The following LRMDA variants were observed in gnomAD, a reference collection of about 807,000 sequenced individuals.
The protein encoded by LRMDA is leucine-rich melanocyte differentiation-associated protein.
Under a neutral mutation model 29.8 loss-of-function variants are expected in LRMDA, and 18 were observed. That is an observed-to-expected ratio of 0.60 (90% confidence interval 0.42 to 0.90). The LOEUF is 0.90. Ranked by LOEUF, LRMDA falls within the 40% of genes least tolerant of loss-of-function variation. The pLI is 0.00. For missense variants in LRMDA, 273 were observed against 273.9 expected, an observed-to-expected ratio of 1.00 and a Z score of 0.02; for synonymous variants, 125 against 109.4, an observed-to-expected ratio of 1.14 and a Z score of -0.89.
chr10:76,180,270 GA>G (rs1851019153), intron 5 of LRMDA, among the ~76,000 whole-genome samples: 1 of 141,284 alleles, frequency 7.1e-6, no homozygotes, highest in Admixed American at 7.2e-5. Flanking sequence ...CACTGCTTTG[GA>G]AAAAACTTTT....
At chr10:75,742,551 T>C (rs1029808548) in intron 2 of LRMDA, among the ~76,000 whole-genome samples, 1 of 152,178 alleles carries the variant, frequency 6.6e-6, no homozygotes, top group African/African-American at 2.4e-5. Context: ...ATAAGCCACA[T>C]GGGGACAGCC....
intron 2 of LRMDA, among the ~76,000 whole-genome samples, chr10:75,959,517 G>GCA (rs3042540): frequency 0.72 from 108,587 of 150,032 alleles, 39,494 homozygotes; most frequent in East Asian, 0.91. Context: ...GCACGTGCAT[G>GCA]CACACACACA....
chr10:75,901,881 C>T (rs563298982), intron 2 of LRMDA, among the ~76,000 whole-genome samples: 20 of 152,160 alleles, frequency 1.3e-4, no homozygotes, highest in African/African-American at 1.7e-4. Flanking sequence ...TCTTTTTCTT[C>T]GCTCCCCAAG....
chr10:75,932,116 T>G (rs1345629622), intron 2 of LRMDA, among the ~76,000 whole-genome samples: 1 of 152,218 alleles, frequency 6.6e-6, no homozygotes, highest in African/African-American at 2.4e-5. Context: ...ATTTCAAGCT[T>G]GATTATATTA....
Position 75,940,111 on chromosome 10 carries a change from C to T in LRMDA, c.132-95897C>T, listed in dbSNP as rs1039325843. On this transcript the variant is annotated intron_variant, in intron 2 of 6. Coordinates refer to ENST00000611255, the MANE Select transcript of LRMDA (RefSeq NM_001305581.2). ...GAATTCAACAGATATTTATTGAGTACCTAACTTAATTCTGGATACACAGTT... is the reference window on the plus strand; with the variant it reads ...GAATTCAACAGATATTTATTGAGTATCTAACTTAATTCTGGATACACAGTT... 3.9e-5 allele frequency among the ~76,000 whole-genome samples: 6 copies of T among 152,058 alleles called. No homozygotes were observed. The South Asian group carries it at 1.2e-3, about 32-fold the overall frequency.
At chr10:75,544,856 C>G (rs1475457748) in intron 2 of LRMDA, among the ~76,000 whole-genome samples, 1 of 152,216 alleles carries the variant, frequency 6.6e-6, no homozygotes, top group South Asian at 2.1e-4. Context: ...TAGTGTTATT[C>G]TCATTTAGTG....
At chr10:75,710,842 T>C (rs1002203496) in intron 2 of LRMDA, among the ~76,000 whole-genome samples, 1 of 152,238 alleles carries the variant, frequency 6.6e-6, no homozygotes, top group Non-Finnish European at 1.5e-5. Context: ...GCCTCTCAAA[T>C]TTGCAGTGAT....
At chr10:76,273,649 G>T (rs1840094556) in intron 5 of LRMDA, among the ~76,000 whole-genome samples, 1 of 152,168 alleles carries the variant, frequency 6.6e-6, no homozygotes, top group Admixed American at 6.5e-5. Flanking sequence ...TAAAGTAATG[G>T]TGCCTAAATT....
chr10:75,728,761 G>A (rs940502150), intron 2 of LRMDA, among the ~76,000 whole-genome samples: 4 of 152,052 alleles, frequency 2.6e-5, no homozygotes, highest in African/African-American at 7.2e-5. Context: ...AGGGCTGGGA[G>A]GCTTGAAGCT....
intron 2 of LRMDA, among the ~76,000 whole-genome samples, chr10:75,863,978 A>G (rs933175741): frequency 6.6e-6 from 1 of 152,108 alleles, no homozygotes; most frequent in South Asian, 2.1e-4. Flanking sequence ...CTTCTCATCT[A>G]TCATGTGGGT....
At chr10:76,547,057 A>G (rs1843430215) in intron 6 of LRMDA, among the ~76,000 whole-genome samples, 1 of 152,022 alleles carries the variant, frequency 6.6e-6, no homozygotes, top group Non-Finnish European at 1.5e-5. Context: ...GGGGAGGGGG[A>G]GCATTAAAAG....
chr10:76,553,220 G>C (rs1021370511), intron 6 of LRMDA, among the ~76,000 whole-genome samples: 1 of 152,176 alleles, frequency 6.6e-6, no homozygotes, highest in African/African-American at 2.4e-5. Context: ...GCCTGACACA[G>C]GGCAAGCCTG....
chr10:76,238,656 A>G (rs1338094506), intron 5 of LRMDA, among the ~76,000 whole-genome samples: 1 of 152,168 alleles, frequency 6.6e-6, no homozygotes, highest in Non-Finnish European at 1.5e-5. Context: ...AAATAAAGCT[A>G]ACACAAAGGG....
chr10:75,437,897 GA>G (rs1245299716), intron 1 of LRMDA, among the ~76,000 whole-genome samples: 1 of 152,144 alleles, frequency 6.6e-6, no homozygotes, highest in Non-Finnish European at 1.5e-5. Context: ...GTGGTCTGGG[GA>G]GGTTTTCTTT....
intron 2 of LRMDA, among the ~76,000 whole-genome samples, chr10:75,990,618 C>G (rs144112554): frequency 2.6e-5 from 4 of 152,244 alleles, no homozygotes; most frequent in African/African-American, 7.2e-5. Context: ...GCTCTGGATG[C>G]CATTGGAATG....
intron 2 of LRMDA, among the ~76,000 whole-genome samples, chr10:75,695,330 C>T (rs566791808): frequency 6.6e-6 from 1 of 150,604 alleles, no homozygotes; most frequent in East Asian, 1.9e-4. Flanking sequence ...CATTAAAATA[C>T]AATTGCTTTA....
At chr10:75,968,998 A>AC (rs397791903) in intron 2 of LRMDA, among the ~76,000 whole-genome samples, 3 of 151,716 alleles carry the variant, frequency 2.0e-5, no homozygotes, top group Non-Finnish European at 3.0e-5. Flanking sequence ...ATTAAAAAAA[A>AC]CCCTTCAACT....
At chr10:75,812,602 G>T (rs372430365) in intron 2 of LRMDA, among the ~76,000 whole-genome samples, 1 of 152,162 alleles carries the variant, frequency 6.6e-6, no homozygotes. Flanking sequence ...ACAATTCTTC[G>T]TGAGTATGGA....
intron 2 of LRMDA, among the ~76,000 whole-genome samples, chr10:75,819,266 A>T (rs1185516685): frequency 6.6e-6 from 1 of 152,180 alleles, no homozygotes; most frequent in East Asian, 1.9e-4. Context: ...CCTAGTGCTG[A>T]TAAGTTTGTG....
Sources: allele counts gnomAD v4.1 joint callset (sites outside exome capture counted in the v4.1 genomes callset), GRCh38; gene constraint gnomAD v4.1.1; transcripts MANE v1.5; gene names NCBI Gene and HGNC (gene_info 2026-07-23, HGNC 2026-07-21).